Variants in WDPCP observed in about 807,000 individuals in gnomAD.
WDPCP encodes the protein WD repeat-containing and planar cell polarity effector protein fritz homolog.
A neutral mutation model predicts 93.1 loss-of-function variants in WDPCP; 71 were observed. The ratio of observed to expected loss-of-function variants is 0.76; its 90% CI spans 0.63 to 0.93. WDPCP has a LOEUF of 0.93. Ranked by LOEUF, WDPCP falls within the 40% of genes least tolerant of loss-of-function variation. The probability of loss-of-function intolerance (pLI) is 0.00; values close to 1 mark genes in which losing one functional copy is unlikely to be tolerated. For synonymous variants in WDPCP, 315 were observed against 315.0 expected (o/e 1.00, Z 0.00); for missense variants, 844 against 887.4 (o/e 0.95, Z 0.62).
At chr2:63,276,433 G>C (rs1160737089) in intron 13 of WDPCP, among the ~76,000 whole-genome samples, 1 of 152,160 alleles carries the variant, frequency 6.6e-6, no homozygotes, top group African/African-American at 2.4e-5. Context: ...TAATCAAGGA[G>C]GTACCAGAGA....
chr2:63,621,289 G>C (rs377279383), intron 3 of WDPCP, among the ~76,000 whole-genome samples: 4 of 152,030 alleles, frequency 2.6e-5, no homozygotes, highest in African/African-American at 9.7e-5. Context: ...AAAAAGGTTA[G>C]AGGAATTGCT....
chr2:63,240,788 C>T (rs1278291323), intron 14 of WDPCP, among the ~76,000 whole-genome samples: 1 of 152,112 alleles, frequency 6.6e-6, no homozygotes, highest in African/African-American at 2.4e-5. Flanking sequence ...CAACTCCTGT[C>T]TCAGAAAGAA....
At chr2:63,522,955 T>G (rs1407789227) in intron 1 of WDPCP, among the ~76,000 whole-genome samples, 1 of 152,216 alleles carries the variant, frequency 6.6e-6, no homozygotes, top group Admixed American at 6.5e-5. Flanking sequence ...TAACTCATTC[T>G]ATGAGGCCAG....
chr2:63,196,295 C>T (rs879381328), intron 14 of WDPCP, among the ~76,000 whole-genome samples: 2 of 152,078 alleles, frequency 1.3e-5, no homozygotes, highest in Admixed American at 1.3e-4. Flanking sequence ...TGGTTGCTCA[C>T]CATTTCAAGA....
At chr2:63,561,272 A>G (rs1357210434) in intron 1 of WDPCP, among the ~76,000 whole-genome samples, 2 of 152,064 alleles carry the variant, frequency 1.3e-5, no homozygotes, top group African/African-American at 4.8e-5. Context: ...AGGTCAGGAG[A>G]TTGAGACCAT....
intron 2 of WDPCP, among the ~76,000 whole-genome samples, chr2:63,490,213 A>G (rs867623852): frequency 9.2e-5 from 14 of 152,170 alleles, no homozygotes; most frequent in African/African-American, 3.4e-4. Context: ...TCCTAAAAAA[A>G]GAACAATGAT....
At chr2:63,818,446 C>T (rs1370389429) in intron 1 of WDPCP, among the ~76,000 whole-genome samples, 2 of 152,116 alleles carry the variant, frequency 1.3e-5, no homozygotes, top group East Asian at 3.8e-4. Flanking sequence ...TGCCAGCTGT[C>T]AGAGAGAGCC....
chr2:63,124,094 GTT>G (rs371994534), intron 17 of WDPCP, among the ~76,000 whole-genome samples: 7 of 134,918 alleles, frequency 5.2e-5, no homozygotes, highest in African/African-American at 1.9e-4. Flanking sequence ...TAGGCATGAA[GTT>G]TTTTTTTTTT....
chr2:63,400,650 T>G (rs1007507386), intron 10 of WDPCP, among the ~76,000 whole-genome samples: 4 of 152,168 alleles, frequency 2.6e-5, no homozygotes, highest in Non-Finnish European at 4.4e-5. Flanking sequence ...ACTTTAAATT[T>G]CATATGGAAC....
chr2:63,662,216 CAT>C (rs567185284), intron 2 of WDPCP, among the ~76,000 whole-genome samples: 19 of 152,176 alleles, frequency 1.2e-4, no homozygotes, highest in Non-Finnish European at 2.1e-4. Context: ...GGATTTGAAA[CAT>C]AGCTCTGCCA....
intron 1 of WDPCP, among the ~76,000 whole-genome samples, chr2:63,819,712 T>A (rs1670991621): frequency 6.6e-6 from 1 of 152,194 alleles, no homozygotes; most frequent in African/African-American, 2.4e-5. Context: ...TCAGAAAAGT[T>A]GGTAAACTGG....
At chr2:63,602,934 CTTTTTTTTTTTTTTTTTTTT>C (rs370479356) in intron 3 of WDPCP, among the ~76,000 whole-genome samples, 41 of 131,580 alleles carry the variant, frequency 3.1e-4, no homozygotes, top group East Asian at 2.7e-3. Context: ...TTTAACCGTT[CTTTTTTTTTTTTTTTTTTTT>C]TTTTTTTTTT....
At chr2:63,584,718 T>C (rs1013184937) in intron 1 of WDPCP, among the ~76,000 whole-genome samples, 3 of 152,182 alleles carry the variant, frequency 2.0e-5, no homozygotes, top group East Asian at 3.9e-4. Flanking sequence ...CGTTTCCAGA[T>C]ATAATGATCA....
chr2:63,755,603 A>AT (rs935294026), intron 2 of WDPCP, among the ~76,000 whole-genome samples: 1 of 152,056 alleles, frequency 6.6e-6, no homozygotes, highest in Non-Finnish European at 1.5e-5. Context: ...TAATGCTTAA[A>AT]TTTTTTTTCT....
At chr2:63,268,138 G>A (rs867865624) in intron 13 of WDPCP, among the ~76,000 whole-genome samples, 1 of 152,082 alleles carries the variant, frequency 6.6e-6, no homozygotes. Context: ...TATATATATA[G>A]CCTTTAAAAA....
In WDPCP at chr2:63,221,281, G is replaced by A. The variant is rs1677811088; in HGVS notation, c.1915+38026C>T. Among the ~76,000 whole-genome samples the A allele has an allele frequency of 4.6e-5, 7 of 152,194 alleles. No homozygotes were observed. The South Asian group carries it at 1.4e-3, about 31-fold the overall frequency. Reference sequence around the variant, plus strand: ...CCCTTCATCTGAATGGTGAATAGAAGAATATGAATTCTTCCAGCTAAAGCA... The same window carrying A: ...CCCTTCATCTGAATGGTGAATAGAAAAATATGAATTCTTCCAGCTAAAGCA... On this transcript the variant is annotated intron_variant, in intron 14 of 17. Coordinates refer to ENST00000272321, the MANE Select transcript of WDPCP (RefSeq NM_015910.7).
chr2:63,480,668 T>C (rs1050560098), intron 6 of WDPCP, among the ~76,000 whole-genome samples: 5 of 152,042 alleles, frequency 3.3e-5, no homozygotes, highest in Non-Finnish European at 7.4e-5. Flanking sequence ...GGTGCTGGGA[T>C]AATTGGCAAG....
Position 63,519,537 on chromosome 2 carries a change from G to A in WDPCP, c.76-26597C>T, listed in dbSNP as rs200795390. Reference sequence around the variant, plus strand: ...AGTCTGGAACACCTCAGCCCCTCCAGCACAGAAGTTTCCTAACCTCAAGGG... The same window carrying A: ...AGTCTGGAACACCTCAGCCCCTCCAACACAGAAGTTTCCTAACCTCAAGGG... On this transcript the variant is annotated intron_variant, in intron 1 of 17. Transcript: ENST00000272321. Among the ~76,000 whole-genome samples, 10 of 152,292 alleles carry A rather than the reference G, an allele frequency of 6.6e-5. No individual in the cohort carries two copies. The East Asian group carries it at 1.9e-3, about 29-fold the overall frequency.
intron 10 of WDPCP, among the ~76,000 whole-genome samples, chr2:63,400,071 T>C (rs1356680404): frequency 8.2e-6 from 1 of 122,032 alleles, no homozygotes; most frequent in African/African-American, 3.0e-5. Context: ...TTAAAATGTA[T>C]TTACCTATGT....
Sources: allele counts gnomAD v4.1 joint callset (sites outside exome capture counted in the v4.1 genomes callset), GRCh38; gene constraint gnomAD v4.1.1; transcripts MANE v1.5; gene names NCBI Gene and HGNC (gene_info 2026-07-23, HGNC 2026-07-21).